Variants in FAT3 observed in about 807,000 individuals in gnomAD.
FAT3 encodes FAT atypical cadherin 3.
In FAT3, 95 loss-of-function variants were observed where a neutral mutation model predicts 310.2. The ratio of observed to expected loss-of-function variants is 0.31; its 90% CI spans 0.26 to 0.36. FAT3 has a LOEUF of 0.36. Among genes scored for constraint, FAT3 ranks in the 10% least tolerant of loss-of-function variants. The pLI, the probability that FAT3 is intolerant of heterozygous loss-of-function variation, is 1.00. For synonymous variants in FAT3, 2,314 were observed against 2,192.9 expected (o/e 1.06, Z -1.54); for missense variants, 5,408 against 5,715.6 (o/e 0.95, Z 1.74).
At chr11:92,402,782 T>A in intron 2 of FAT3, among the ~76,000 whole-genome samples, 1 of 141,836 alleles carries the variant, frequency 7.1e-6, no homozygotes, top group African/African-American at 2.6e-5. Flanking sequence ...ACATTAATAA[T>A]AGACACAAAA....
intron 4 of FAT3, among the ~76,000 whole-genome samples, chr11:92,736,381 C>A (rs1207054231): frequency 6.6e-6 from 1 of 152,150 alleles, no homozygotes; most frequent in East Asian, 1.9e-4. Flanking sequence ...TAATTCCTCA[C>A]CTCAGACCAC....
intron 1 of FAT3, among the ~76,000 whole-genome samples, chr11:92,225,998 C>T (rs1461449446): frequency 6.6e-6 from 1 of 152,146 alleles, no homozygotes; most frequent in East Asian, 2.0e-4. Context: ...GAGCTGTCTC[C>T]GGATTGGGGG....
At chr11:92,540,347 G>T (rs1954405430) in intron 3 of FAT3, among the ~76,000 whole-genome samples, 1 of 152,120 alleles carries the variant, frequency 6.6e-6, no homozygotes, top group Non-Finnish European at 1.5e-5. Flanking sequence ...TTTATTTCCG[G>T]GATCAGAGGC....
intron 1 of FAT3, among the ~76,000 whole-genome samples, chr11:92,283,041 A>G (rs1232282345): frequency 6.6e-6 from 1 of 152,128 alleles, no homozygotes; most frequent in Non-Finnish European, 1.5e-5. Flanking sequence ...GATAGTAGAG[A>G]TGATTATCTC....
At chr11:92,312,152 C>T (rs112691192) in intron 1 of FAT3, among the ~76,000 whole-genome samples, 3 of 152,246 alleles carry the variant, frequency 2.0e-5, no homozygotes, top group South Asian at 2.1e-4. Context: ...TCAACCTGGG[C>T]GTATTCAAAG....
chr11:92,690,129 A>G (rs1247227978), intron 3 of FAT3, among the ~76,000 whole-genome samples: 2 of 152,226 alleles, frequency 1.3e-5, no homozygotes, highest in African/African-American at 2.4e-5. Flanking sequence ...TCCAAAGGGA[A>G]AATATTTCTG....
chr11:92,603,855 C>T (rs499595), intron 3 of FAT3, among the ~76,000 whole-genome samples: 22,087 of 152,148 alleles, frequency 0.15, 1,744 homozygotes, highest in African/African-American at 0.18. Context: ...TTAGCCATTC[C>T]AGGATCTCTG....
At position 92,669,668 on chromosome 11, in the gene FAT3, A is replaced by T. The variant is rs966730077; in HGVS notation, c.3608-27716A>T. Among the ~76,000 whole-genome samples the T allele has an allele frequency of 3.9e-5, 6 of 152,238 alleles. No homozygotes were observed. The East Asian group carries it at 1.2e-3, about 29-fold the overall frequency. ...AAGAGGGGTTGGCCAGTATATCCAG[A>T]GGTGGGGTGGTAATTAACAGTGGTT... On this transcript the variant is annotated intron_variant, in intron 3 of 27. Transcript: ENST00000525166.
chr11:92,380,835 C>A (rs1018630018), intron 2 of FAT3, among the ~76,000 whole-genome samples: 1 of 152,138 alleles, frequency 6.6e-6, no homozygotes. Context: ...TTTGGAGAAA[C>A]CTTAGAATTC....
intron 1 of FAT3, among the ~76,000 whole-genome samples, chr11:92,258,567 T>G (rs1158674238): frequency 6.6e-6 from 1 of 151,996 alleles, no homozygotes; most frequent in Admixed American, 6.6e-5. Context: ...ATTGGAGTTT[T>G]GGTTGTGTGG....
At chr11:92,796,152 T>C (rs1947167047) in intron 9 of FAT3, among the ~76,000 whole-genome samples, 1 of 152,070 alleles carries the variant, frequency 6.6e-6, no homozygotes, top group South Asian at 2.1e-4. Context: ...TGAAGTGATT[T>C]CCCCTTATAA....
At chr11:92,559,394 T>C in intron 3 of FAT3, 1 of 196,466 alleles carries the variant, frequency 5.1e-6, no homozygotes, top group Non-Finnish European at 1.1e-5. Context: ...TTTTTTTTTT[T>C]TTTTTTTTGA....
chr11:92,383,638 T>G (rs1949552973), intron 2 of FAT3, among the ~76,000 whole-genome samples: 1 of 152,228 alleles, frequency 6.6e-6, no homozygotes, highest in Non-Finnish European at 1.5e-5. Context: ...ACACTCTGCC[T>G]TATGAATACT....
At chr11:92,257,796 T>A (rs1335972195) in intron 1 of FAT3, among the ~76,000 whole-genome samples, 1 of 152,168 alleles carries the variant, frequency 6.6e-6, no homozygotes, top group Non-Finnish European at 1.5e-5. Context: ...GAACTACATT[T>A]TAATGAACAA....
At chr11:92,337,788 G>A (rs1027078831) in intron 1 of FAT3, among the ~76,000 whole-genome samples, 22 of 152,168 alleles carry the variant, frequency 1.4e-4, no homozygotes, top group Non-Finnish European at 2.4e-4. Context: ...TTCAAACCTC[G>A]AAGTACTTGT....
chr11:92,338,073 G>A (rs1948140524), intron 1 of FAT3, among the ~76,000 whole-genome samples: 1 of 152,088 alleles, frequency 6.6e-6, no homozygotes, highest in Non-Finnish European at 1.5e-5. Flanking sequence ...TTTGGTAAAG[G>A]TTAAACAAAT....
chr11:92,338,080 A>G (rs1948140768), intron 1 of FAT3, among the ~76,000 whole-genome samples: 1 of 152,214 alleles, frequency 6.6e-6, no homozygotes, highest in African/African-American at 2.4e-5. Context: ...AAGGTTAAAC[A>G]AATTTTCCCT....
chr11:92,348,178 A>G (rs1948466976), intron 1 of FAT3, among the ~76,000 whole-genome samples: 1 of 152,026 alleles, frequency 6.6e-6, no homozygotes. Context: ...CAAAAGCCTT[A>G]AAAGATATTT....
In FAT3 at chr11:92,352,921, C is replaced by T; in HGVS notation, c.809C>T (p.Thr270Ile). The T allele has an allele frequency of 5.6e-6, 9 of 1,613,876 alleles. No individual in the cohort carries two copies. The highest frequency in any genetic ancestry group is 7.6e-6 in the Non-Finnish European group (9 of 1,179,864). Residue 270 changes from threonine to isoleucine, a missense_variant, in exon 2 of 28, where the codon ACT becomes ATT. Thr to Ile is a moderately conservative substitution (Grantham distance 89). Around this residue, in one of 5 missense-constraint regions of FAT3, gnomAD observed 4,588 missense variants for 4,809.8 expected, o/e 0.95. Transcript: ENST00000525166. ...NEHAPTIHVV[T>I]HVPFSLEKEP... ...CATGCCCCAACAATCCATGTAGTCA[C>T]TCATGTTCCTTTCTCGTTGGAAAAA...
Sources: allele counts gnomAD v4.1 joint callset (sites outside exome capture counted in the v4.1 genomes callset), GRCh38; gene constraint gnomAD v4.1.1; regional missense constraint gnomAD v4.1.1; transcripts MANE v1.5; gene names NCBI Gene and HGNC (gene_info 2026-07-23, HGNC 2026-07-21).